Variants in GLG1 observed in about 807,000 individuals in gnomAD.
GLG1 encodes the protein golgi glycoprotein 1.
GLG1 carries 38 observed loss-of-function variants against 160.5 expected under a neutral mutation model. That is an observed-to-expected ratio of 0.24 (90% CI 0.18 to 0.31). The LOEUF is 0.31. GLG1 is among the 10% of genes least tolerant of loss of function. The pLI, the probability that GLG1 is intolerant of heterozygous loss-of-function variation, is 1.00. For synonymous variants in GLG1, 644 were observed against 543.4 expected, an observed-to-expected ratio of 1.19 and a Z score of -2.57; for missense variants, 1,373 against 1,505.2, an observed-to-expected ratio of 0.91 and a Z score of 1.45.
At chr16:74,490,222 C>G (rs900710619) in intron 8 of GLG1, among the ~76,000 whole-genome samples, 3 of 152,152 alleles carry the variant, frequency 2.0e-5, no homozygotes, top group Non-Finnish European at 4.4e-5. Context: ...TACTAAATCT[C>G]TAATACATTA....
chr16:74,468,787 C>A, intron 17 of GLG1, 159 bp downstream of exon 17: 1 of 620,046 alleles, frequency 1.6e-6, no homozygotes, highest in Non-Finnish European at 3.0e-6. Flanking sequence ...AAGAATGACA[C>A]AGGAAGCTAA....
chr16:74,457,123 A>G (rs913543289), intron 24 of GLG1, among the ~76,000 whole-genome samples: 1 of 152,186 alleles, frequency 6.6e-6, no homozygotes, highest in Non-Finnish European at 1.5e-5. Context: ...GGCTGGGCAT[A>G]GTGGCTTATG....
intron 2 of GLG1, among the ~76,000 whole-genome samples, chr16:74,520,234 T>A (rs935045672): frequency 1.3e-5 from 2 of 152,202 alleles, no homozygotes; most frequent in African/African-American, 4.8e-5. Flanking sequence ...ATCCTCAGAA[T>A]TTCCTTTGCT....
At chr16:74,553,957 T>C (rs1286708060) in intron 1 of GLG1, among the ~76,000 whole-genome samples, 2 of 152,224 alleles carry the variant, frequency 1.3e-5, no homozygotes, top group Non-Finnish European at 2.9e-5. Flanking sequence ...AACTCACATA[T>C]GCAAAAATAC....
At chr16:74,587,278 C>A (rs1958076111) in intron 1 of GLG1, among the ~76,000 whole-genome samples, 1 of 152,104 alleles carries the variant, frequency 6.6e-6, no homozygotes, top group Admixed American at 6.6e-5. Context: ...GGCTGCAACA[C>A]AGGGAGAGGG....
intron 3 of GLG1, among the ~76,000 whole-genome samples, chr16:74,505,792 T>G (rs1251986166): frequency 5.3e-5 from 8 of 151,932 alleles, no homozygotes; most frequent in Non-Finnish European, 1.2e-4. Flanking sequence ...CAGGCGGAGG[T>G]TGCAGTGAGC....
chr16:74,493,676 A>C (rs2016082807), intron 6 of GLG1, among the ~76,000 whole-genome samples: 1 of 152,220 alleles, frequency 6.6e-6, no homozygotes, highest in Non-Finnish European at 1.5e-5. Context: ...TAGCAAAATT[A>C]ATTATTTCAA....
chr16:74,471,330 A>G, intron 14 of GLG1, 44 bp from the exon 15 acceptor site: 1 of 1,106,174 alleles, frequency 9.0e-7, no homozygotes, highest in Non-Finnish European at 1.4e-6. Context: ...GTAACAATTA[A>G]TGAACAAAAC....
intron 20 of GLG1, 65 bp downstream of exon 20, chr16:74,463,291 T>C (rs2014872092): frequency 2.2e-5 from 34 of 1,538,298 alleles, no homozygotes; most frequent in Middle Eastern, 1.8e-4. Context: ...AGCAGGTCAC[T>C]CTACAGCCAC....
intron 2 of GLG1, among the ~76,000 whole-genome samples, chr16:74,511,588 A>ATT (rs2016808039): frequency 7.8e-6 from 1 of 128,248 alleles, no homozygotes; most frequent in Non-Finnish European, 1.8e-5. Context: ...TTTTTTTTAA[A>ATT]AAAAAAAAAA....
chr16:74,540,739 A>G (rs912210682), intron 1 of GLG1, among the ~76,000 whole-genome samples: 13 of 151,648 alleles, frequency 8.6e-5, no homozygotes, highest in South Asian at 2.1e-4. Flanking sequence ...GGGGAAGGAA[A>G]CAGAGTCAGG....
chr16:74,596,765 C>A (rs1290548158), intron 1 of GLG1, among the ~76,000 whole-genome samples: 1 of 152,238 alleles, frequency 6.6e-6, no homozygotes, highest in African/African-American at 2.4e-5. Flanking sequence ...AATCTTGATT[C>A]CACTACTTAC....
intron 4 of GLG1, among the ~76,000 whole-genome samples, chr16:74,501,558 G>C (rs917857653): frequency 6.6e-6 from 1 of 152,202 alleles, no homozygotes; most frequent in African/African-American, 2.4e-5. Flanking sequence ...AATTCAGAGA[G>C]CTAGAAGGAG....
chr16:74,583,411 G>C (rs181385061), intron 1 of GLG1, among the ~76,000 whole-genome samples: 3 of 152,008 alleles, frequency 2.0e-5, no homozygotes, highest in African/African-American at 7.2e-5. Flanking sequence ...GCAGAGTTTC[G>C]CTCTTGTCCC....
At chr16:74,551,696 G>C (rs1186118331) in intron 1 of GLG1, among the ~76,000 whole-genome samples, 2 of 151,458 alleles carry the variant, frequency 1.3e-5, no homozygotes, top group South Asian at 4.2e-4. Context: ...TCAGTGTATG[G>C]GGGGAGGGGG....
rs1469968310 is a variant in GLG1, at chr16:74,552,149, T to A, written c.439-19996A>T. The A allele has an allele frequency of 3.0e-4, 100 of 337,520 alleles. 1 individual carries two copies. The Admixed American group carries it at 3.9e-3, about 13-fold the overall frequency. The allele number at this position is 337,520 out of a possible 1,614,324, so 20.9% of individuals were successfully genotyped here. ...AGACACAATATTGTCTTCTACGGGA[T>A]GGATTAGCATCTCTTCCTTCAAATG... On this transcript the variant is annotated intron_variant, in intron 1 of 25. Transcript: ENST00000422840.
chr16:74,532,834 A>G (rs192857354), intron 1 of GLG1, among the ~76,000 whole-genome samples: 61 of 152,220 alleles, frequency 4.0e-4, no homozygotes, highest in African/African-American at 1.3e-3. Context: ...GCCCCCATCA[A>G]TGATTTTTAA....
chr16:74,461,336 G>GTT (rs879459376), intron 22 of GLG1, among the ~76,000 whole-genome samples: 1 of 140,404 alleles, frequency 7.1e-6, no homozygotes, highest in Admixed American at 7.2e-5. Context: ...CCGGGCTAAT[G>GTT]TTTTTTTTTT....
chr16:74,496,509 C>G lies in GLG1; in HGVS notation c.910G>C (p.Asp304His). The change falls in exon 5 of 26, where the codon GAT becomes CAT. Residue 304 changes from aspartate (D) to histidine (H), a missense_variant. By Grantham distance (81) the Asp-to-His change is moderately conservative (BLOSUM62 -1). Coordinates refer to ENST00000422840, the MANE Select transcript of GLG1 (RefSeq NM_001145667.2). The part of the protein sequence containing the change: ...AILRVAELSS[D>H]DFHLDRHLYF... ...AAATGCCGGTCTAAGTGAAAGTCAT[C>G]CGATGACAGCTCAGCCACCCGGAGA... The G allele has an allele frequency of 6.2e-7, 1 of 1,614,058 alleles. No individual in the cohort carries two copies. Among genetic ancestry groups the G allele is most frequent in the Non-Finnish European group, 8.5e-7 (1 of 1,179,964 alleles).
Sources: allele counts gnomAD v4.1 joint callset (sites outside exome capture counted in the v4.1 genomes callset), GRCh38; gene constraint gnomAD v4.1.1; transcripts MANE v1.5; gene names NCBI Gene and HGNC (gene_info 2026-07-23, HGNC 2026-07-21).